KCNT2: variants seen among roughly 807,000 people sequenced by gnomAD.
KCNT2 encodes the protein potassium sodium-activated channel subfamily T member 2.
Under a neutral mutation model 153.8 loss-of-function variants are expected in KCNT2, and 67 were observed. That is an observed-to-expected ratio of 0.44 (90% CI 0.36 to 0.53). The LOEUF is 0.53. Among genes scored for constraint, KCNT2 ranks in the 20% least tolerant of loss-of-function variants. KCNT2 has a pLI of 0.00. For missense variants in KCNT2, 975 were observed against 1,354.8 expected (o/e 0.72, Z 4.40); for synonymous variants, 500 against 458.8 (o/e 1.09, Z -1.15).
At chr1:196,541,901 GT>G (rs931063875) in intron 1 of KCNT2, among the ~76,000 whole-genome samples, 27 of 151,836 alleles carry the variant, frequency 1.8e-4, no homozygotes, top group African/African-American at 6.5e-4. Context: ...AAATAAATAT[GT>G]TTTTTGATAT....
At chr1:196,449,072 GCAAA>G (rs1004705756) in intron 8 of KCNT2, among the ~76,000 whole-genome samples, 4 of 151,442 alleles carry the variant, frequency 2.6e-5, no homozygotes, top group Non-Finnish European at 5.9e-5. Context: ...TTAGAGAAAG[GCAAA>G]CAAACAAACA....
chr1:196,561,929 T>G (rs532116852), intron 1 of KCNT2, among the ~76,000 whole-genome samples: 2 of 152,028 alleles, frequency 1.3e-5, no homozygotes, highest in African/African-American at 4.8e-5. Flanking sequence ...TTGAAAGAGT[T>G]TATCTAAAGA....
chr1:196,451,998 G>A (rs561478957), intron 8 of KCNT2, among the ~76,000 whole-genome samples: 8 of 151,868 alleles, frequency 5.3e-5, no homozygotes, highest in Admixed American at 5.3e-4. Flanking sequence ...TTAGAATCGG[G>A]TAATAGACAA....
intron 26 of KCNT2, among the ~76,000 whole-genome samples, chr1:196,250,514 A>C (rs1655866192): frequency 6.6e-6 from 1 of 152,204 alleles, no homozygotes; most frequent in Non-Finnish European, 1.5e-5. Flanking sequence ...ACTACTAACT[A>C]TGAAAGTACT....
At chr1:196,420,835 G>A (rs1207219095) in intron 12 of KCNT2, among the ~76,000 whole-genome samples, 2 of 152,034 alleles carry the variant, frequency 1.3e-5, no homozygotes, top group African/African-American at 4.8e-5. Context: ...TGTAGCTGGT[G>A]TTTCTGAGTA....
intron 21 of KCNT2, among the ~76,000 whole-genome samples, chr1:196,307,397 A>T (rs1268848112): frequency 2.0e-5 from 3 of 152,078 alleles, no homozygotes; most frequent in African/African-American, 7.2e-5. Flanking sequence ...AACTTAAAAA[A>T]TTTTTAAACT....
intron 1 of KCNT2, among the ~76,000 whole-genome samples, chr1:196,526,115 T>C (rs558220170): frequency 1.3e-5 from 2 of 151,618 alleles, no homozygotes; most frequent in South Asian, 4.2e-4. Flanking sequence ...GACTTTGTGT[T>C]AACATTTGAG....
intron 12 of KCNT2, among the ~76,000 whole-genome samples, chr1:196,402,371 T>C (rs1011831581): frequency 2.0e-5 from 3 of 151,734 alleles, no homozygotes; most frequent in Admixed American, 6.6e-5. Context: ...TATGGATAAA[T>C]TATTATATCT....
chr1:196,339,166 A>T (rs1270722381), intron 16 of KCNT2, among the ~76,000 whole-genome samples: 1 of 152,042 alleles, frequency 6.6e-6, no homozygotes, highest in African/African-American at 2.4e-5. Context: ...AATAGAATCC[A>T]TGAGAACAGA....
intron 13 of KCNT2, among the ~76,000 whole-genome samples, chr1:196,382,761 A>G (rs1367048372): frequency 6.6e-6 from 1 of 152,184 alleles, no homozygotes; most frequent in Non-Finnish European, 1.5e-5. Context: ...TTAGAAAATG[A>G]GATAAATTTG....
intron 22 of KCNT2, among the ~76,000 whole-genome samples, chr1:196,300,439 C>T (rs1191661019): frequency 6.6e-6 from 1 of 152,044 alleles, no homozygotes; most frequent in East Asian, 1.9e-4. Context: ...TTCTCTCACC[C>T]CTTCTTCCCT....
chr1:196,532,553 C>T (rs181317228), intron 1 of KCNT2, among the ~76,000 whole-genome samples: 1 of 151,588 alleles, frequency 6.6e-6, no homozygotes, highest in East Asian at 1.9e-4. Context: ...AATTTTCACA[C>T]CTAGTTTAAT....
At chr1:196,369,591 C>T (rs867486523) in intron 14 of KCNT2, among the ~76,000 whole-genome samples, 3 of 151,614 alleles carry the variant, frequency 2.0e-5, no homozygotes, top group African/African-American at 2.4e-5. Context: ...TTTTTTGTTC[C>T]TGCGATAGTT....
intron 1 of KCNT2, among the ~76,000 whole-genome samples, chr1:196,595,475 A>T (rs926531762): frequency 1.3e-5 from 2 of 152,036 alleles, no homozygotes; most frequent in Non-Finnish European, 2.9e-5. Context: ...TGGTATCTAG[A>T]GGGGGCTGGT....
At chr1:196,424,993 A>C (rs1385669479) in intron 11 of KCNT2, among the ~76,000 whole-genome samples, 1 of 151,978 alleles carries the variant, frequency 6.6e-6, no homozygotes, top group Admixed American at 6.6e-5. Context: ...CACTTATGCT[A>C]TTCAATTCAG....
At position 196,342,893 on chromosome 1, in the gene KCNT2, A is replaced by T. The variant is rs141682019; in HGVS notation, c.1404-665T>A. ...AAATTCATGTTGGAATCCTAATCCC[A>T]TTATGATGGTATTTGGGAGTGTGGC... On this transcript the variant is annotated intron_variant, in intron 14 of 27. Coordinates refer to ENST00000294725, the MANE Select transcript of KCNT2 (RefSeq NM_198503.5). 4.5e-3 allele frequency among the ~76,000 whole-genome samples: 692 copies of T among 152,250 alleles called. 5 individuals are homozygous for T. Among genetic ancestry groups the T allele is most frequent in the South Asian group, 0.011 (51 of 4,826 alleles).
chr1:196,257,870 A>G, intron 26 of KCNT2: 6 of 984,520 alleles, frequency 6.1e-6, no homozygotes, highest in Non-Finnish European at 7.2e-6. Flanking sequence ...GATGATAATT[A>G]GAAGGCTACC....
At chr1:196,532,524 G>A (rs1655082094) in intron 1 of KCNT2, among the ~76,000 whole-genome samples, 1 of 151,650 alleles carries the variant, frequency 6.6e-6, no homozygotes, top group Non-Finnish European at 1.5e-5. Context: ...GAGATTATGT[G>A]TTTCTTACTC....
At chr1:196,385,331 A>G (rs2148387828) in intron 13 of KCNT2, among the ~76,000 whole-genome samples, 1 of 152,292 alleles carries the variant, frequency 6.6e-6, no homozygotes, top group African/African-American at 2.4e-5. Context: ...ACTGTGGGCA[A>G]TTGTGACACA....
Sources: gnomAD v4.1 joint callset for allele counts (sites outside exome capture counted in the v4.1 genomes callset) on GRCh38, gnomAD v4.1.1 for gene constraint, MANE v1.5 for transcripts, NCBI Gene and HGNC (gene_info 2026-07-23, HGNC 2026-07-21) for gene names.